Variants in UNC13C observed in about 807,000 individuals in gnomAD.
The protein encoded by UNC13C is protein unc-13 homolog C.
In UNC13C, 174 loss-of-function variants were observed where a neutral mutation model predicts 245.4. The observed-to-expected ratio is 0.71, with a 90% CI of 0.63 to 0.80. UNC13C has a LOEUF of 0.80. Ranked by LOEUF, UNC13C falls within the 30% of genes least tolerant of loss-of-function variation. The probability of loss-of-function intolerance (pLI) is 0.00; values close to 1 mark genes in which losing one functional copy is unlikely to be tolerated. For synonymous variants in UNC13C, 992 were observed against 895.1 expected, an observed-to-expected ratio of 1.11 and a Z score of -1.93; for missense variants, 2,829 against 2,602.9, an observed-to-expected ratio of 1.09 and a Z score of -1.89.
intron 2 of UNC13C, among the ~76,000 whole-genome samples, chr15:54,104,904 T>G (rs988281436): frequency 6.6e-6 from 1 of 152,318 alleles, no homozygotes; most frequent in Middle Eastern, 3.4e-3. Context: ...ACTGGAGAGT[T>G]ACACTCTGGG....
At chr15:54,075,471 CTTGCAGT>C (rs1386634449) in intron 2 of UNC13C, among the ~76,000 whole-genome samples, 3 of 133,178 alleles carry the variant, frequency 2.3e-5, no homozygotes, top group African/African-American at 9.8e-5. Context: ...TGAGCCGGAG[CTTGCAGT>C]GAGCCGGAGC....
At chr15:54,538,947 A>G (rs1002048090) in intron 26 of UNC13C, among the ~76,000 whole-genome samples, 2 of 152,012 alleles carry the variant, frequency 1.3e-5, no homozygotes, top group Non-Finnish European at 2.9e-5. Flanking sequence ...CACCCACAGC[A>G]TGCAATTTTC....
chr15:54,567,835 G>T lies in UNC13C; in HGVS notation c.5994G>T (p.Lys1998Asn), dbSNP rs1897583818. 3 of 1,604,062 alleles carry T rather than the reference G, an allele frequency of 1.9e-6. No homozygotes were observed. The highest frequency in any genetic ancestry group is 2.7e-5 in the African/African-American group (2 of 74,586). ...YFHAGGNGLK[K>N]NFLEKSPDLQ... ...ATGCAGGAGGAAATGGCCTGAAAAA[G>T]AATTTCTTGGAGAAAAGCCCAGATC... Residue 1998 changes from lysine (K) to asparagine (N), a missense_variant, in exon 30 of 33, where the codon AAG (lysine) becomes AAT (asparagine). Transcript: ENST00000260323.
At chr15:54,286,447 G>A (rs2037151863) in intron 10 of UNC13C, among the ~76,000 whole-genome samples, 1 of 152,072 alleles carries the variant, frequency 6.6e-6, no homozygotes, top group Admixed American at 6.6e-5. Flanking sequence ...TACTACTTCA[G>A]CAATGCTGTT....
chr15:53,986,089 T>TG (rs1184710435), intron 1 of UNC13C, among the ~76,000 whole-genome samples: 1 of 152,078 alleles, frequency 6.6e-6, no homozygotes, highest in East Asian at 1.9e-4. Context: ...TAAGTTTTCT[T>TG]GGGGAAATTC....
At chr15:54,385,650 G>A (rs1187085673) in intron 17 of UNC13C, among the ~76,000 whole-genome samples, 1 of 151,960 alleles carries the variant, frequency 6.6e-6, no homozygotes, top group African/African-American at 2.4e-5. Flanking sequence ...TAGCAGACTA[G>A]GGTTACTATA....
At position 54,567,607 on chromosome 15, in the gene UNC13C, T is replaced by C. The variant is rs1158485257; in HGVS notation, c.5959-193T>C. On this transcript the variant is annotated intron_variant, in intron 29 of 32. Coordinates refer to ENST00000260323, the MANE Select transcript of UNC13C (RefSeq NM_001080534.3). The stretch of plus-strand genomic sequence containing the variant: ...GGGATATGAGGTCTGTGATGTTGAG[T>C]GTCATTTCAGAGATGTCTAGGGACC... 2.6e-5 allele frequency among the ~76,000 whole-genome samples: 4 copies of C among 152,188 alleles called. No individual in the cohort carries two copies. The East Asian group carries it at 7.7e-4, about 29-fold the overall frequency.
intron 8 of UNC13C, among the ~76,000 whole-genome samples, chr15:54,253,811 T>A (rs1013084711): frequency 1.2e-4 from 18 of 152,150 alleles, no homozygotes; most frequent in Non-Finnish European, 2.4e-4. Context: ...ATATTTTCCT[T>A]GATTATGTTT....
At chr15:53,946,061 C>T in the UNC13C span, among the ~76,000 whole-genome samples, 6 of 152,020 alleles carry the variant, frequency 3.9e-5, no homozygotes, top group Non-Finnish European at 7.4e-5. Context: ...TATTGGAATG[C>T]TAGTGAGTTT....
chr15:53,843,160 C>T, the UNC13C span, among the ~76,000 whole-genome samples: 1 of 152,132 alleles, frequency 6.6e-6, no homozygotes, highest in African/African-American at 2.4e-5. Flanking sequence ...ATATAATTCA[C>T]TTGTGCAGTG....
At chr15:54,048,573 TG>T in intron 2 of UNC13C, 1 of 431,788 alleles carries the variant, frequency 2.3e-6, no homozygotes, top group Non-Finnish European at 4.5e-6. Flanking sequence ...ATTGATGTAC[TG>T]AAACTTATCA....
chr15:53,997,099 G>A (rs1410850812), intron 1 of UNC13C, among the ~76,000 whole-genome samples: 3 of 151,890 alleles, frequency 2.0e-5, no homozygotes, highest in African/African-American at 7.3e-5. Context: ...AGAAATTTTA[G>A]CCATTTTCAT....
chr15:54,015,115 TATG>T lies in UNC13C; in HGVS notation c.2215_2217del (p.Asp739del). 1 of 1,612,642 alleles carries T rather than the reference TATG, an allele frequency of 6.2e-7. No homozygotes were observed. The highest frequency in any genetic ancestry group is 1.7e-5 in the Admixed American group (1 of 59,756). On this transcript the variant is annotated inframe_deletion, in exon 2 of 33. Transcript: ENST00000260323. ...ACCACAAGGCCAGTGGGTTGGCCAA[TATG>T]ATTCTTATCAGGGAGCTAATTCTAA... is the stretch of plus-strand genomic sequence containing the variant.
chr15:53,994,559 G>A (rs1894532772), intron 1 of UNC13C, among the ~76,000 whole-genome samples: 1 of 151,986 alleles, frequency 6.6e-6, no homozygotes, highest in Non-Finnish European at 1.5e-5. Flanking sequence ...AAAGAGGGGA[G>A]GATTCTAATT....
intron 13 of UNC13C, among the ~76,000 whole-genome samples, chr15:54,317,962 CTG>C (rs2038052351): frequency 1.3e-5 from 2 of 151,928 alleles, no homozygotes; most frequent in Admixed American, 1.3e-4. Flanking sequence ...ACCTTTCAGA[CTG>C]TACATATGAG....
intron 13 of UNC13C, among the ~76,000 whole-genome samples, chr15:54,305,731 GA>G (rs2037708733): frequency 6.6e-6 from 1 of 151,838 alleles, no homozygotes; most frequent in Admixed American, 6.6e-5. Context: ...AACAAAATTG[GA>G]AAACTCAGCT....
At chr15:54,188,562 A>G (rs1309126927) in intron 4 of UNC13C, among the ~76,000 whole-genome samples, 1 of 152,198 alleles carries the variant, frequency 6.6e-6, no homozygotes, top group East Asian at 1.9e-4. Context: ...TTTTGTCCCG[A>G]TAAGAGCAAT....
the UNC13C span, chr15:53,914,690 T>A: frequency 6.6e-6 from 1 of 152,240 alleles, no homozygotes; most frequent in African/African-American, 2.4e-5. Context: ...GAAGTGCTGC[T>A]GAATAAAATC....
At chr15:54,269,763 C>T (rs1307473855) in intron 10 of UNC13C, among the ~76,000 whole-genome samples, 1 of 152,094 alleles carries the variant, frequency 6.6e-6, no homozygotes, top group Non-Finnish European at 1.5e-5. Flanking sequence ...TTATTATTGG[C>T]AGTTTTCATA....
Sources: gnomAD v4.1 joint callset for allele counts (sites outside exome capture counted in the v4.1 genomes callset) on GRCh38, gnomAD v4.1.1 for gene constraint, MANE v1.5 for transcripts, NCBI Gene and HGNC (gene_info 2026-07-23, HGNC 2026-07-21) for gene names.